Variants in PACRG observed in about 807,000 individuals in gnomAD.
The protein encoded by PACRG is parkin coregulated gene protein.
PACRG carries 29 observed loss-of-function variants against 29.7 expected under a neutral mutation model. The observed-to-expected ratio is 0.98, with a 90% confidence interval of 0.73 to 1.33. The LOEUF (loss-of-function observed/expected upper bound fraction) is 1.33, where lower values mean the gene tolerates loss of function less well. PACRG is among the 40% of genes most tolerant of loss of function. The probability of loss-of-function intolerance (pLI) is 0.00; values close to 1 mark genes in which losing one functional copy is unlikely to be tolerated. For synonymous variants in PACRG, 116 were observed against 118.7 expected, an observed-to-expected ratio of 0.98 and a Z score of 0.15; for missense variants, 279 against 316.2, an observed-to-expected ratio of 0.88 and a Z score of 0.89.
intron 1 of PACRG, among the ~76,000 whole-genome samples, chr6:162,745,410 G>T (rs955636053): frequency 6.6e-6 from 1 of 152,102 alleles, no homozygotes; most frequent in Non-Finnish European, 1.5e-5. Context: ...GGGAGGGAGA[G>T]CATCAGGACA....
intron 1 of PACRG, among the ~76,000 whole-genome samples, chr6:162,807,510 T>C (rs1441411164): frequency 6.6e-6 from 1 of 152,116 alleles, no homozygotes; most frequent in Non-Finnish European, 1.5e-5. Flanking sequence ...TCTCGGGAAA[T>C]AGGGAGGCCT....
At chr6:162,953,358 A>G (rs1028988087) in intron 2 of PACRG, among the ~76,000 whole-genome samples, 3 of 152,228 alleles carry the variant, frequency 2.0e-5, no homozygotes, top group Admixed American at 2.0e-4. Flanking sequence ...TAATTCAGTT[A>G]TTTAAATGAC....
rs73784526 is a variant in PACRG at position 163,199,908 on chromosome 6, A to T, written c.613+110500A>T. Among the ~76,000 whole-genome samples, 1,406 of 152,332 alleles carry T rather than the reference A, an allele frequency of 9.2e-3. 19 individuals carry two copies. Among genetic ancestry groups the T allele is most frequent in the African/African-American group, 0.032 (1,342 of 41,564 alleles). On this transcript the variant is annotated intron_variant, in intron 4 of 4. Coordinates refer to ENST00000366888, the MANE Select transcript of PACRG (RefSeq NM_001080379.2). ...CATATTTGTATATACTGTGAGGGTT[A>T]TATTTGTATTATATGTAACATATAT...
intron 1 of PACRG, among the ~76,000 whole-genome samples, chr6:162,806,912 A>G (rs1298450165): frequency 6.6e-6 from 1 of 152,188 alleles, no homozygotes; most frequent in Non-Finnish European, 1.5e-5. Context: ...TTTATTCTAC[A>G]TTAAAAATCT....
chr6:163,221,414 G>C (rs982446301), intron 4 of PACRG, among the ~76,000 whole-genome samples: 1 of 152,184 alleles, frequency 6.6e-6, no homozygotes, highest in Non-Finnish European at 1.5e-5. Context: ...ACGTGCCTTT[G>C]TGCCTTGCCT....
intron 1 of PACRG, among the ~76,000 whole-genome samples, chr6:162,794,480 G>T (rs1785207595): frequency 6.6e-6 from 1 of 151,994 alleles, no homozygotes; most frequent in Non-Finnish European, 1.5e-5. Context: ...ATACTTTATG[G>T]TGTGTCCTTT....
intron 2 of PACRG, among the ~76,000 whole-genome samples, chr6:162,905,470 C>T (rs1462006201): frequency 6.6e-6 from 1 of 152,122 alleles, no homozygotes; most frequent in Non-Finnish European, 1.5e-5. Context: ...TAAGTGGGAG[C>T]TGGAAAGAAT....
At chr6:162,957,199 G>A in intron 2 of PACRG, 1 of 352,710 alleles carries the variant, frequency 2.8e-6, no homozygotes, top group South Asian at 3.0e-5. Flanking sequence ...ATGGATGTGT[G>A]GGGCCCAGCT....
At chr6:162,979,151 T>C (rs557423879) in intron 2 of PACRG, among the ~76,000 whole-genome samples, 1 of 152,346 alleles carries the variant, frequency 6.6e-6, no homozygotes, top group East Asian at 1.9e-4. Flanking sequence ...ATTAAAGCTT[T>C]AAAGCTAATT....
intron 4 of PACRG, among the ~76,000 whole-genome samples, chr6:163,221,273 T>C (rs1267146885): frequency 6.6e-6 from 1 of 152,198 alleles, no homozygotes; most frequent in Non-Finnish European, 1.5e-5. Context: ...AGTCCAGAGA[T>C]AGGAATCTTC....
At chr6:163,035,049 C>G (rs1306261090) in intron 2 of PACRG, among the ~76,000 whole-genome samples, 1 of 152,192 alleles carries the variant, frequency 6.6e-6, no homozygotes, top group African/African-American at 2.4e-5. Context: ...TACTTGTAAA[C>G]TGTCATGGTG....
intron 2 of PACRG, among the ~76,000 whole-genome samples, chr6:162,915,164 C>A (rs1270126785): frequency 6.6e-6 from 1 of 151,910 alleles, no homozygotes; most frequent in Admixed American, 6.6e-5. Context: ...CATAAATAAC[C>A]ATTATCTACT....
intron 4 of PACRG, among the ~76,000 whole-genome samples, chr6:163,283,486 T>C (rs1013563949): frequency 2.6e-5 from 4 of 152,236 alleles, no homozygotes; most frequent in African/African-American, 9.6e-5. Flanking sequence ...GATAAATCAA[T>C]GTGTTAGGTT....
chr6:162,776,724 C>G (rs1783672204), intron 1 of PACRG, among the ~76,000 whole-genome samples: 1 of 152,216 alleles, frequency 6.6e-6, no homozygotes, highest in East Asian at 1.9e-4. Flanking sequence ...ATTTCATAGT[C>G]AGTCTGCTTC....
intron 4 of PACRG, among the ~76,000 whole-genome samples, chr6:163,162,050 A>T (rs1225942835): frequency 6.6e-6 from 1 of 152,208 alleles, no homozygotes; most frequent in Non-Finnish European, 1.5e-5. Flanking sequence ...ACAGAACTGC[A>T]TGGGGAGAAA....
chr6:163,080,457 C>T (rs905555846), intron 3 of PACRG, among the ~76,000 whole-genome samples: 1 of 152,160 alleles, frequency 6.6e-6, no homozygotes, highest in Non-Finnish European at 1.5e-5. Context: ...CAAGTGCAGG[C>T]CCAACCTGGG....
chr6:162,976,579 T>C (rs747294403), intron 2 of PACRG, among the ~76,000 whole-genome samples: 26 of 152,140 alleles, frequency 1.7e-4, no homozygotes, highest in Non-Finnish European at 3.1e-4. Context: ...TGTATAGATG[T>C]AGAGATGGAA....
intron 4 of PACRG, among the ~76,000 whole-genome samples, chr6:163,303,623 T>C (rs1785086907): frequency 6.6e-6 from 1 of 152,158 alleles, no homozygotes; most frequent in African/African-American, 2.4e-5. Flanking sequence ...ACCATGTAGC[T>C]ATGAAATAAA....
intron 2 of PACRG, among the ~76,000 whole-genome samples, chr6:162,984,270 G>A (rs1484616894): frequency 1.3e-5 from 2 of 151,914 alleles, no homozygotes; most frequent in African/African-American, 4.8e-5. Flanking sequence ...AACATACTAT[G>A]CTTGGTCTTC....
Sources: gnomAD v4.1 joint callset for allele counts (sites outside exome capture counted in the v4.1 genomes callset) on GRCh38, gnomAD v4.1.1 for gene constraint, MANE v1.5 for transcripts, NCBI Gene and HGNC (gene_info 2026-07-23, HGNC 2026-07-21) for gene names.